TM9SF2: variants seen among roughly 807,000 people sequenced by gnomAD.
The protein encoded by TM9SF2 is transmembrane 9 superfamily member 2, also known as 76 kDa membrane protein.
Under a neutral mutation model 84.9 loss-of-function variants are expected in TM9SF2, and 13 were observed. That is an observed-to-expected ratio of 0.15 (90% CI 0.10 to 0.24). TM9SF2 has a LOEUF of 0.24. TM9SF2 is among the 10% of genes least tolerant of loss of function. The probability of loss-of-function intolerance (pLI) is 1.00; values close to 1 mark genes in which losing one functional copy is unlikely to be tolerated. For missense variants in TM9SF2, 562 were observed against 818.5 expected (o/e 0.69, Z 3.82); for synonymous variants, 273 against 285.8 (o/e 0.96, Z 0.45).
At chr13:99,543,454 G>A (rs987068910) in intron 9 of TM9SF2, among the ~76,000 whole-genome samples, 2 of 152,172 alleles carry the variant, frequency 1.3e-5, no homozygotes, top group African/African-American at 4.8e-5. Flanking sequence ...TACTGTATTA[G>A]CAAAGTAGCT....
intron 4 of TM9SF2, 74 bp from the exon 5 acceptor site, chr13:99,536,534 C>A: frequency 6.5e-7 from 1 of 1,530,134 alleles, no homozygotes; most frequent in Non-Finnish European, 8.9e-7. Flanking sequence ...AAAGTGATGA[C>A]ACTGATTTGG....
intron 3 of TM9SF2, among the ~76,000 whole-genome samples, chr13:99,525,682 A>G (rs980060402): frequency 2.6e-5 from 4 of 151,652 alleles, no homozygotes; most frequent in Admixed American, 2.6e-4. Context: ...CAGCCTCCCA[A>G]GTAGCTGGGA....
chr13:99,548,875 ACTGGCTCAGGATTTAAGGATT>A (rs2046294603), intron 11 of TM9SF2, among the ~76,000 whole-genome samples: 1 of 152,202 alleles, frequency 6.6e-6, no homozygotes. Context: ...ATTGATTGAT[ACTGGCTCAGGATTTAAGGATT>A]CTTTTGGTTG....
rs2046352981 is a variant in TM9SF2, at chr13:99,563,565, A to C, written c.*807A>C. ...ATTTCACTGTGTAAGGCATTGTCTA[A>C]AATGTTCACTGTGAGGCAGTAGAGG... On this transcript the variant is annotated 3_prime_UTR_variant, in exon 17 of 17. Coordinates refer to ENST00000376387, the MANE Select transcript of TM9SF2 (RefSeq NM_004800.3). The C allele has an allele frequency of 6.6e-6, 1 of 152,202 alleles. No homozygotes were observed. Among genetic ancestry groups the C allele is most frequent in the African/African-American group, 2.4e-5 (1 of 41,442 alleles). 9.4% of individuals were successfully genotyped at this position (152,202 alleles called of 1,614,324 possible). A position where few individuals can be genotyped will look rare whatever the true frequency, so the allele number is the denominator to read the frequency against.
chr13:99,559,463 C>T lies in TM9SF2; in HGVS notation c.1853C>T (p.Thr618Met), dbSNP rs760637508. 266 of 1,613,828 alleles carry T rather than the reference C, an allele frequency of 1.6e-4. No homozygotes were observed. The highest frequency in any genetic ancestry group is 2.1e-4 in the Non-Finnish European group (251 of 1,179,948). Residue 618 changes from threonine (T) to methionine (M), a missense_variant, in exon 16 of 17, where the codon ACG (threonine) becomes ATG (methionine). Physicochemically the swap from Thr to Met is moderately conservative, Grantham distance 81. This residue lies in a region of TM9SF2 where 63 missense variants were observed against 109.2 expected (regional missense o/e 0.58). Transcript: ENST00000376387. ...VHYFFSKLQITGTASTILYFG... is the reference protein window; with the variant it reads ...VHYFFSKLQIMGTASTILYFG... ...TACTTCTTTTCAAAACTGCAGATCA[C>T]GGGAACAGCAAGCACAATTCTGTAC...
intron 11 of TM9SF2, 61 bp from the exon 12 acceptor site, chr13:99,549,104 T>C (rs184176810): frequency 7.7e-6 from 11 of 1,431,622 alleles, no homozygotes; most frequent in Admixed American, 5.3e-5. Flanking sequence ...ACTTGTAATA[T>C]GGATATTTGG....
At chr13:99,529,671 C>T in intron 4 of TM9SF2, 77 bp downstream of exon 4, 1 of 1,354,964 alleles carries the variant, frequency 7.4e-7, no homozygotes, top group South Asian at 2.0e-5. Context: ...ATATAAATTA[C>T]TTGATTGTGT....
intron 1 of TM9SF2, among the ~76,000 whole-genome samples, chr13:99,503,664 C>T (rs948594959): frequency 2.7e-5 from 4 of 146,086 alleles, no homozygotes; most frequent in African/African-American, 5.1e-5. Flanking sequence ...GAGCTGAGAT[C>T]GCGCCATTGC....
chr13:99,554,732 T>C (rs936833641), intron 14 of TM9SF2, among the ~76,000 whole-genome samples: 65 of 152,256 alleles, frequency 4.3e-4, no homozygotes, highest in African/African-American at 1.5e-3. Context: ...TATCCCCATT[T>C]TACAGAGCTG....
At chr13:99,561,841 T>C (rs2046346164) in intron 16 of TM9SF2, among the ~76,000 whole-genome samples, 1 of 152,242 alleles carries the variant, frequency 6.6e-6, no homozygotes, top group African/African-American at 2.4e-5. Flanking sequence ...GCATTTGATT[T>C]CTGGCCACAA....
At chr13:99,537,996 G>T in intron 6 of TM9SF2, 133 bp downstream of exon 6, 1 of 1,271,882 alleles carries the variant, frequency 7.9e-7, no homozygotes. Flanking sequence ...CCTTTGGCAT[G>T]ATTTGTTATT....
At chr13:99,505,952 T>C (rs2046087081) in intron 1 of TM9SF2, among the ~76,000 whole-genome samples, 1 of 152,244 alleles carries the variant, frequency 6.6e-6, no homozygotes, top group African/African-American at 2.4e-5. Context: ...ATCACGTTCT[T>C]AGATGAAAGA....
intron 1 of TM9SF2, among the ~76,000 whole-genome samples, chr13:99,502,696 T>C (rs1369403454): frequency 2.0e-5 from 3 of 152,214 alleles, no homozygotes; most frequent in African/African-American, 7.2e-5. Flanking sequence ...TTTCGTTAAG[T>C]TTATTTAAAA....
intron 3 of TM9SF2, among the ~76,000 whole-genome samples, chr13:99,523,683 C>T (rs1321703701): frequency 6.6e-6 from 1 of 152,194 alleles, no homozygotes; most frequent in Non-Finnish European, 1.5e-5. Context: ...TGCTCAGTAC[C>T]TTTCATGTGC....
At chr13:99,520,163 T>A (rs758013130) in intron 3 of TM9SF2, 34 bp downstream of exon 3, 1 of 1,549,854 alleles carries the variant, frequency 6.5e-7, no homozygotes, top group Non-Finnish European at 8.8e-7. Context: ...AATTATTTAC[T>A]TACAGCTTTT....
At chr13:99,529,744 G>C in intron 4 of TM9SF2, 150 bp downstream of exon 4, 1 of 768,148 alleles carries the variant, frequency 1.3e-6, no homozygotes, top group Non-Finnish European at 1.9e-6. Context: ...TTGAAGTAGT[G>C]ACTCTTAGTT....
Position 99,529,575 on chromosome 13 carries a change from T to A in TM9SF2, c.442T>A (p.Leu148Met), listed in dbSNP as rs34302265. Residue 148 changes from leucine to methionine, a missense_variant, in exon 4 of 17, where the codon TTG (leucine) becomes ATG (methionine). Coordinates refer to ENST00000376387, the MANE Select transcript of TM9SF2 (RefSeq NM_004800.3). ...KLEFLKKSMLLNYQHHWIVDN... is the reference protein window; with the variant it reads ...KLEFLKKSMLMNYQHHWIVDN... ...AGAATTCTTGAAAAAAAGCATGTTATTGAATTATCAACATCACTGGTAAGG... is the reference window on the plus strand; with the variant it reads ...AGAATTCTTGAAAAAAAGCATGTTAATGAATTATCAACATCACTGGTAAGG... 785 of 1,582,854 alleles carry A rather than the reference T, an allele frequency of 5.0e-4. 6 individuals are homozygous for A. Among genetic ancestry groups the A allele is most frequent in the Non-Finnish European group, 4.5e-5 (53 of 1,169,408 alleles).
At chr13:99,502,081 G>A (rs552004527) in intron 1 of TM9SF2, among the ~76,000 whole-genome samples, 1 of 152,338 alleles carries the variant, frequency 6.6e-6, no homozygotes, top group East Asian at 1.9e-4. Context: ...CCTTGGAGTT[G>A]GGCTTCACGC....
chr13:99,532,060 CT>C (rs1171287380), intron 4 of TM9SF2, among the ~76,000 whole-genome samples: 1 of 141,414 alleles, frequency 7.1e-6, no homozygotes, highest in Non-Finnish European at 1.6e-5. Context: ...TTTTTTTTTT[CT>C]TTTTTTTTGA....
Sources: allele counts gnomAD v4.1 joint callset (sites outside exome capture counted in the v4.1 genomes callset), GRCh38; gene constraint gnomAD v4.1.1; regional missense constraint gnomAD v4.1.1; transcripts MANE v1.5; gene names NCBI Gene and HGNC (gene_info 2026-07-23, HGNC 2026-07-21).